The following PHF14 variants were observed in gnomAD, a reference collection of about 807,000 sequenced individuals.
PHF14 encodes the protein PHD finger protein 14.
Under a neutral mutation model 117.9 loss-of-function variants are expected in PHF14, and 55 were observed. The observed-to-expected ratio is 0.47, with a 90% confidence interval of 0.38 to 0.58. The LOEUF is 0.58. Ranked by LOEUF, PHF14 falls within the 20% of genes least tolerant of loss-of-function variation. The pLI, the probability that PHF14 is intolerant of heterozygous loss-of-function variation, is 0.00. For missense variants in PHF14, 978 were observed against 1,122.2 expected (o/e 0.87, Z 1.84); for synonymous variants, 409 against 368.6 (o/e 1.11, Z -1.26).
chr7:11,104,367 T>A (rs952668769), intron 16 of PHF14: 8 of 961,912 alleles, frequency 8.3e-6, no homozygotes, highest in Non-Finnish European at 9.9e-6. Flanking sequence ...TTGAAGTAAC[T>A]AGAATAGAAT....
intron 2 of PHF14, among the ~76,000 whole-genome samples, chr7:10,975,229 A>G (rs1322629521): frequency 6.6e-6 from 1 of 152,248 alleles, no homozygotes; most frequent in South Asian, 2.1e-4. Context: ...TGCTTATATT[A>G]TAGAGGAAAA....
chr7:11,016,865 C>T (rs945700674), intron 5 of PHF14, among the ~76,000 whole-genome samples: 1 of 152,120 alleles, frequency 6.6e-6, no homozygotes, highest in Non-Finnish European at 1.5e-5. Context: ...CATTAACCAT[C>T]TCCCACCTCC....
At chr7:11,159,773 GA>G (rs1788970316) in intron 17 of PHF14, among the ~76,000 whole-genome samples, 1 of 152,032 alleles carries the variant, frequency 6.6e-6, no homozygotes, top group African/African-American at 2.4e-5. Flanking sequence ...CTTAATTTTT[GA>G]AAGTACAGAA....
In PHF14 at chr7:10,983,075, G is replaced by T; in HGVS notation, c.816G>T (p.Lys272Asn). ...PASEGGCKKK[K>N]SKVLSRNSAD... The stretch of plus-strand genomic sequence containing the variant: ...GTGAAGGGGGTTGCAAGAAGAAGAA[G>T]AGTAAAGTTCTTAGCAGAAACAGTG... Residue 272 changes from lysine to asparagine, a missense_variant, in exon 3 of 18, where the codon AAG becomes AAT. Lys to Asn is a moderately conservative substitution (Grantham distance 94). Transcript: ENST00000634607. 3 of 1,599,176 alleles carry T rather than the reference G, an allele frequency of 1.9e-6. No homozygotes were observed. The highest frequency in any genetic ancestry group is 2.5e-6 in the Non-Finnish European group (3 of 1,179,356).
In PHF14 at chr7:11,062,841, A is replaced by G. The variant is rs978557499; in HGVS notation, c.2654+756A>G. ...ATTTAAAAGAGGCATCAGACTTTCA[A>G]AGGACAGTGTCACAAAAGTTCTTAC... On this transcript the variant is annotated intron_variant, in intron 16 of 17. Coordinates refer to ENST00000634607, the MANE Select transcript of PHF14 (RefSeq NM_001007157.2). 4.1e-6 allele frequency: 4 copies of G among 985,070 alleles called. No homozygotes were observed. The African/African-American group carries it at 7.0e-5, about 17-fold the overall frequency. The allele number at this position is 985,070 out of a possible 1,614,324, so 61.0% of individuals were successfully genotyped here.
chr7:11,096,078 T>G (rs963485581), intron 16 of PHF14, among the ~76,000 whole-genome samples: 1 of 152,156 alleles, frequency 6.6e-6, no homozygotes, highest in Admixed American at 6.6e-5. Context: ...TTATTTTAAA[T>G]AAGGAATAAA....
intron 17 of PHF14, among the ~76,000 whole-genome samples, chr7:11,149,737 C>T (rs1788653507): frequency 6.6e-6 from 1 of 151,946 alleles, no homozygotes. Context: ...TTTTTGTTAT[C>T]TACTGATGAT....
chr7:11,041,726 A>C (rs2128323796), intron 12 of PHF14, among the ~76,000 whole-genome samples: 1 of 152,106 alleles, frequency 6.6e-6, no homozygotes, highest in South Asian at 2.1e-4. Context: ...TTCATTTGGA[A>C]CCATCAGGCA....
At chr7:11,137,393 T>C (rs1788252046) in intron 17 of PHF14, among the ~76,000 whole-genome samples, 1 of 152,090 alleles carries the variant, frequency 6.6e-6, no homozygotes, top group South Asian at 2.1e-4. Context: ...GAGTTACTTC[T>C]CACCAACCAA....
intron 7 of PHF14, among the ~76,000 whole-genome samples, chr7:11,033,393 A>G (rs1784193704): frequency 6.6e-6 from 1 of 152,154 alleles, no homozygotes; most frequent in African/African-American, 2.4e-5. Context: ...GTTTATCACC[A>G]TCTTGACTGG....
intron 2 of PHF14, among the ~76,000 whole-genome samples, chr7:10,976,611 T>C (rs1739605221): frequency 6.6e-6 from 1 of 152,120 alleles, no homozygotes; most frequent in Non-Finnish European, 1.5e-5. Context: ...GTATCACTTC[T>C]TTTTCAAGTG....
chr7:11,156,610 A>G (rs1299887824), intron 17 of PHF14, among the ~76,000 whole-genome samples: 2 of 152,168 alleles, frequency 1.3e-5, no homozygotes, highest in Non-Finnish European at 2.9e-5. Context: ...CCTGACCAAC[A>G]TGGTGAAACC....
chr7:11,148,053 A>T (rs968926465), intron 17 of PHF14, among the ~76,000 whole-genome samples: 1 of 152,100 alleles, frequency 6.6e-6, no homozygotes, highest in Non-Finnish European at 1.5e-5. Context: ...CTTTTGTTTA[A>T]TTCCAAAGCA....
intron 4 of PHF14, among the ~76,000 whole-genome samples, chr7:11,011,919 C>A (rs1424656618): frequency 1.3e-5 from 2 of 152,252 alleles, no homozygotes; most frequent in South Asian, 4.2e-4. Flanking sequence ...GAATGAAATA[C>A]TCTCTCAGAA....
intron 12 of PHF14, among the ~76,000 whole-genome samples, chr7:11,042,079 A>G (rs1458404858): frequency 1.3e-5 from 2 of 151,954 alleles, no homozygotes; most frequent in African/African-American, 4.8e-5. Flanking sequence ...AAAATTCCAC[A>G]ATCTTTGCAA....
intron 14 of PHF14, among the ~76,000 whole-genome samples, chr7:11,059,470 A>G (rs1054904392): frequency 1.4e-4 from 22 of 152,194 alleles, no homozygotes; most frequent in African/African-American, 5.3e-4. Flanking sequence ...ACTAATTTGG[A>G]GCATCTTATT....
chr7:10,988,651 T>C (rs11983086), intron 3 of PHF14, among the ~76,000 whole-genome samples: 26,296 of 151,646 alleles, frequency 0.17, 2,893 homozygotes, highest in African/African-American at 0.3. Context: ...AACTTTTCTT[T>C]TGGGGGTACA....
At chr7:11,095,223 T>A (rs1293590350) in intron 16 of PHF14, among the ~76,000 whole-genome samples, 1 of 152,206 alleles carries the variant, frequency 6.6e-6, no homozygotes, top group Non-Finnish European at 1.5e-5. Flanking sequence ...ACTTATTTAA[T>A]CCTTAAACTC....
intron 5 of PHF14, among the ~76,000 whole-genome samples, chr7:11,016,246 A>G (rs539670176): frequency 6.6e-4 from 100 of 152,310 alleles, no homozygotes; most frequent in African/African-American, 2.0e-3. Flanking sequence ...GGCCTTCACA[A>G]TATTTCCAAG....
Sources: allele counts gnomAD v4.1 joint callset (sites outside exome capture counted in the v4.1 genomes callset), GRCh38; gene constraint gnomAD v4.1.1; transcripts MANE v1.5; gene names NCBI Gene and HGNC (gene_info 2026-07-23, HGNC 2026-07-21).